Variants in STRN3 observed in about 807,000 individuals in gnomAD.
STRN3 encodes the protein striatin 3.
STRN3 carries 29 observed loss-of-function variants against 95.6 expected under a neutral mutation model. The ratio of observed to expected loss-of-function variants is 0.30; its 90% CI spans 0.23 to 0.41. The LOEUF (loss-of-function observed/expected upper bound fraction) is 0.41. STRN3 is among the 10% of genes least tolerant of loss of function. STRN3 has a pLI of 1.00. For synonymous variants in STRN3, 331 were observed against 357.6 expected (o/e 0.93, Z 0.84); for missense variants, 890 against 972.1 (o/e 0.92, Z 1.12).
chr14:30,919,118 T>C lies in STRN3; in HGVS notation c.1100-12A>G, dbSNP rs745969427. On this transcript the variant is annotated splice_polypyrimidine_tract_variant and intron_variant, in intron 8 of 17. Coordinates refer to ENST00000357479, the MANE Select transcript of STRN3 (RefSeq NM_001083893.2). Reference sequence around the variant, plus strand: ...TGTCCTGTTGGCCCCTGTAAATTAATGTCAGCAGTAGAGGTTCATTTAATG... The same window carrying C: ...TGTCCTGTTGGCCCCTGTAAATTAACGTCAGCAGTAGAGGTTCATTTAATG... The C allele has an allele frequency of 1.9e-6, 3 of 1,597,668 alleles. No homozygotes were observed. The highest frequency in any genetic ancestry group is 1.3e-5 in the African/African-American group (1 of 74,350).
chr14:30,907,513 G>C (rs1896496553), intron 13 of STRN3, among the ~76,000 whole-genome samples: 1 of 152,084 alleles, frequency 6.6e-6, no homozygotes, highest in East Asian at 1.9e-4. Context: ...TGTCTCTATA[G>C]ATGTGTCTTT....
intron 1 of STRN3, among the ~76,000 whole-genome samples, chr14:31,003,181 G>GAACCC (rs1036683143): frequency 2.0e-5 from 3 of 150,530 alleles, no homozygotes; most frequent in African/African-American, 7.4e-5. Context: ...AGAATGGCTT[G>GAACCC]AACCCAGGAG....
At chr14:30,972,787 A>G (rs1331993217) in intron 1 of STRN3, among the ~76,000 whole-genome samples, 2 of 151,802 alleles carry the variant, frequency 1.3e-5, no homozygotes, top group African/African-American at 2.4e-5. Context: ...GCTGGGCAAA[A>G]GAACAAGACC....
chr14:30,923,995 A>G (rs1292441989), intron 8 of STRN3, among the ~76,000 whole-genome samples: 1 of 151,998 alleles, frequency 6.6e-6, no homozygotes, highest in Admixed American at 6.6e-5. Context: ...AAATTTTTAC[A>G]AAAGATTAAT....
chr14:30,947,062 T>C (rs752051770), intron 5 of STRN3, 28 bp downstream of exon 5: 2 of 1,501,104 alleles, frequency 1.3e-6, no homozygotes, highest in Non-Finnish European at 1.8e-6. Context: ...ATATCCATTA[T>C]ATAAACTATG....
chr14:30,907,043 C>T lies in STRN3; in HGVS notation c.1722G>A (p.Glu574=). 1.3e-6 allele frequency: 2 copies of T among 1,596,904 alleles called. No individual in the cohort carries two copies. Among genetic ancestry groups the T allele is most frequent in the Non-Finnish European group, 8.5e-7 (1 of 1,175,542 alleles). ...SPSVDPYDTY[E]PNVLAGTLVG... ...CTAAAGTGCCAGCTAGAACATTTGG[C>T]TCTGGGGAAAAAACAAACAAACAAA... Residue 574 remains glutamate, a splice_region_variant and synonymous_variant, in exon 14 of 18, where the codon GAG becomes GAA. Coordinates refer to ENST00000357479, the MANE Select transcript of STRN3 (RefSeq NM_001083893.2).
At chr14:31,000,081 C>T (rs961143099) in intron 1 of STRN3, among the ~76,000 whole-genome samples, 2 of 152,022 alleles carry the variant, frequency 1.3e-5, no homozygotes, top group Non-Finnish European at 2.9e-5. Flanking sequence ...CATATTAAAA[C>T]AGAAAAGAAC....
At chr14:30,934,381 A>G (rs1878714677) in intron 7 of STRN3, among the ~76,000 whole-genome samples, 1 of 152,160 alleles carries the variant, frequency 6.6e-6, no homozygotes. Flanking sequence ...CTCAGTAAAC[A>G]CACTTTGTTC....
At chr14:30,952,794 T>C in intron 3 of STRN3, among the ~76,000 whole-genome samples, 1 of 152,238 alleles carries the variant, frequency 6.6e-6, no homozygotes, top group Non-Finnish European at 1.5e-5. Context: ...GTCCCTCTAC[T>C]GATTTTTCTA....
At chr14:31,016,619 C>T (rs1201148893) in intron 1 of STRN3, among the ~76,000 whole-genome samples, 2 of 152,094 alleles carry the variant, frequency 1.3e-5, no homozygotes, top group Non-Finnish European at 2.9e-5. Context: ...TCTCGACTCA[C>T]TACAACCTCC....
intron 1 of STRN3, among the ~76,000 whole-genome samples, chr14:30,992,459 C>T (rs1882003500): frequency 2.0e-5 from 3 of 150,216 alleles, no homozygotes. Context: ...CTTGCTGTTG[C>T]CCAGGCTGGT....
In STRN3 at chr14:30,950,745, C is replaced by G. The variant is rs909076826; in HGVS notation, c.542+118G>C. On this transcript the variant is annotated intron_variant, in intron 4 of 17. Transcript: ENST00000357479. ...CCAAGCATCTACACAGCAAAAAAAGCAGCAATACAAAAAACATACACATTG... is the reference window on the plus strand; with the variant it reads ...CCAAGCATCTACACAGCAAAAAAAGGAGCAATACAAAAAACATACACATTG... 3.3e-6 allele frequency: 3 copies of G among 909,256 alleles called. No homozygotes were observed. In the African/African-American group the frequency reaches 5.0e-5, roughly 15 times the overall value. The allele number at this position is 909,256 out of a possible 1,614,324, so 56.3% of individuals were successfully genotyped here. A position where few individuals can be genotyped will look rare whatever the true frequency, so the allele number is the denominator to read the frequency against.
chr14:30,980,753 A>T (rs1031765338), intron 1 of STRN3, among the ~76,000 whole-genome samples: 3 of 152,110 alleles, frequency 2.0e-5, no homozygotes, highest in African/African-American at 7.2e-5. Flanking sequence ...AAATAACTTC[A>T]CAAAATTTGT....
At chr14:31,019,542 G>A (rs1406726694) in intron 1 of STRN3, among the ~76,000 whole-genome samples, 2 of 152,136 alleles carry the variant, frequency 1.3e-5, no homozygotes, top group African/African-American at 2.4e-5. Context: ...AAACTGTTAA[G>A]AGGGGCAATG....
At chr14:30,946,131 G>A (rs1420514097) in intron 5 of STRN3, among the ~76,000 whole-genome samples, 2 of 152,078 alleles carry the variant, frequency 1.3e-5, no homozygotes, top group African/African-American at 4.8e-5. Context: ...ATTATAATTT[G>A]TTGAAAATAC....
chr14:30,943,337 C>T (rs1427734522), intron 5 of STRN3, among the ~76,000 whole-genome samples: 1 of 152,158 alleles, frequency 6.6e-6, no homozygotes, highest in South Asian at 2.1e-4. Context: ...AATCTTAGCA[C>T]TTTAGGAGGC....
At chr14:30,929,965 A>ACAAACAAAAAAAAAAAAAAAAC (rs79477795) in intron 7 of STRN3, among the ~76,000 whole-genome samples, 1 of 143,360 alleles carries the variant, frequency 7.0e-6, no homozygotes, top group African/African-American at 2.6e-5. Flanking sequence ...AAAAAAAAAA[A>ACAAACAAAAAAAAAAAAAAAAC]AAAAAAAAAA....
intron 5 of STRN3, among the ~76,000 whole-genome samples, chr14:30,945,796 A>T (rs56136668): frequency 6.6e-6 from 1 of 152,206 alleles, no homozygotes; most frequent in African/African-American, 2.4e-5. Context: ...AGAATATACA[A>T]ATCTACAGAG....
chr14:30,942,718 C>G (rs1202553733), intron 5 of STRN3, among the ~76,000 whole-genome samples: 1 of 152,064 alleles, frequency 6.6e-6, no homozygotes, highest in Admixed American at 6.5e-5. Flanking sequence ...CAACCATACC[C>G]TACCATAAAT....
Sources: gnomAD v4.1 joint callset for allele counts (sites outside exome capture counted in the v4.1 genomes callset) on GRCh38, gnomAD v4.1.1 for gene constraint, MANE v1.5 for transcripts, NCBI Gene and HGNC (gene_info 2026-07-23, HGNC 2026-07-21) for gene names.